Variants in PCDHGA5 observed in about 807,000 individuals in gnomAD.
PCDHGA5 encodes protocadherin gamma subfamily A, 5, also known as protocadherin gamma-A5.
A neutral mutation model predicts 56.7 loss-of-function variants in PCDHGA5; 36 were observed. The ratio of observed to expected loss-of-function variants is 0.64; its 90% confidence interval spans 0.49 to 0.84. The LOEUF is 0.84. Among genes scored for constraint, PCDHGA5 ranks in the 40% least tolerant of loss-of-function variants. The pLI is 0.00. For synonymous variants in PCDHGA5, 563 were observed against 520.2 expected, an observed-to-expected ratio of 1.08 and a Z score of -1.12; for missense variants, 1,305 against 1,201.5, an observed-to-expected ratio of 1.09 and a Z score of -1.27.
chr5:141,500,232 G>A (rs1024752888), intron 2 of PCDHGA5, among the ~76,000 whole-genome samples: 1 of 137,690 alleles, frequency 7.3e-6, no homozygotes, highest in South Asian at 2.3e-4. Flanking sequence ...TTATTGATAC[G>A]TAGCCTTGCT....
At chr5:141,413,588 A>C in intron 1 of PCDHGA5, 1 of 1,613,922 alleles carries the variant, frequency 6.2e-7, no homozygotes, top group South Asian at 1.1e-5. Flanking sequence ...CCAAAATTCC[A>C]AGCAGAAAAT....
chr5:141,477,884 G>A lies in PCDHGA5; in HGVS notation c.2422-16923G>A. On this transcript the variant is annotated intron_variant, in intron 1 of 3. Transcript: ENST00000518069. The surrounding 1 kb of genome is among the most constrained non-coding windows in gnomAD (Gnocchi z 4.9). ...TCGAGGTACCTCAGCTGGCCACCTA[G>A]TGTCACGGGTGGTAGGCTGGGACGC... 6.2e-7 allele frequency: 1 copy of A among 1,614,190 alleles called. No homozygotes were observed. The highest frequency in any genetic ancestry group is 8.5e-7 in the Non-Finnish European group (1 of 1,180,036).
chr5:141,443,650 CA>C (rs2098397782), intron 1 of PCDHGA5, among the ~76,000 whole-genome samples: 1 of 152,150 alleles, frequency 6.6e-6, no homozygotes. Flanking sequence ...ATAATGTTAG[CA>C]TAGCATTTTA....
intron 1 of PCDHGA5, chr5:141,398,796 C>G (rs765198482): frequency 8.1e-6 from 13 of 1,613,920 alleles, no homozygotes; most frequent in Middle Eastern, 1.6e-4. Context: ...CACCCCTAAG[C>G]GGCACCACTG....
chr5:141,366,863 C>T, intron 1 of PCDHGA5, 112 bp downstream of exon 1: 2 of 1,430,882 alleles, frequency 1.4e-6, no homozygotes, highest in African/African-American at 1.4e-5. Flanking sequence ...ACATTATTTG[C>T]TGTATTGGAG....
rs140779776 is a variant in PCDHGA5 at position 141,412,904 on chromosome 5, C to T, written c.2421+46153C>T. On this transcript the variant is annotated intron_variant, in intron 1 of 3. Transcript: ENST00000518069. ...CAACAGAATAGTTTACTTTCCATTG[C>T]ATGTATCACTTGGGTGCAGTAACTT... The T allele has an allele frequency of 4.0e-4, 150 of 378,712 alleles. 3 individuals carry two copies. In the East Asian group the frequency reaches 6.1e-3, roughly 15 times the overall value. 23.5% of individuals were successfully genotyped at this position (378,712 alleles called of 1,614,324 possible).
At chr5:141,419,620 G>A (rs776986192) in intron 1 of PCDHGA5, 9 of 1,612,304 alleles carry the variant, frequency 5.6e-6, no homozygotes, top group Non-Finnish European at 7.6e-6. Context: ...CAGGCTACCT[G>A]GTGACCAAGG....
At chr5:141,410,585 G>A in intron 1 of PCDHGA5, 1 of 1,610,012 alleles carries the variant, frequency 6.2e-7, no homozygotes, top group South Asian at 1.1e-5. Flanking sequence ...TCATGGTGGG[G>A]AGGATTTGAC....
At chr5:141,392,820 G>T in intron 1 of PCDHGA5, 1 of 1,592,868 alleles carries the variant, frequency 6.3e-7, no homozygotes. Flanking sequence ...AACAATGGCC[G>T]CTCCACAGAG....
chr5:141,423,234 C>T, intron 1 of PCDHGA5: 1 of 1,613,918 alleles, frequency 6.2e-7, no homozygotes, highest in South Asian at 1.1e-5. Context: ...CCGACAGCAT[C>T]CCCGAAGTCC....
At chr5:141,419,938 G>A in intron 1 of PCDHGA5, 1 of 1,614,102 alleles carries the variant, frequency 6.2e-7, no homozygotes, top group Non-Finnish European at 8.5e-7. Context: ...TTTACCTGGT[G>A]GTGGCCTTGG....
intron 1 of PCDHGA5, chr5:141,412,090 T>C (rs1008718786): frequency 3.3e-5 from 5 of 152,218 alleles, no homozygotes; most frequent in Admixed American, 2.0e-4. Flanking sequence ...ACTGGGTTGA[T>C]GGGCACACAC....
Position 141,491,478 on chromosome 5 carries a change from C to A in PCDHGA5, c.2422-3329C>A. ...CCCCGGACTTCTATAAGCAGTCCAG[C>A]CCCAACCTGCAGGTGAGCTCGGACG... On this transcript the variant is annotated intron_variant, in intron 1 of 3. Coordinates refer to ENST00000518069, the MANE Select transcript of PCDHGA5 (RefSeq NM_018918.3). The surrounding 1 kb of genome is among the most constrained non-coding windows in gnomAD (Gnocchi z 6.9). 6.2e-7 allele frequency: 1 copy of A among 1,614,068 alleles called. No individual in the cohort carries two copies. Among genetic ancestry groups the A allele is most frequent in the Non-Finnish European group, 8.5e-7 (1 of 1,180,004 alleles).
At chr5:141,478,496 C>G in intron 1 of PCDHGA5, 1 of 1,613,014 alleles carries the variant, frequency 6.2e-7, no homozygotes, top group Non-Finnish European at 8.5e-7. Flanking sequence ...GAGCTGTGAT[C>G]CGGTGTTCTA....
intron 1 of PCDHGA5, 34 bp downstream of exon 1, chr5:141,366,785 C>T: frequency 1.3e-6 from 2 of 1,576,144 alleles, no homozygotes; most frequent in Non-Finnish European, 8.6e-7. Flanking sequence ...ATGACCAGAA[C>T]ATTTTCATTT....
intron 1 of PCDHGA5, among the ~76,000 whole-genome samples, chr5:141,465,276 C>A (rs558169180): frequency 6.6e-6 from 1 of 152,254 alleles, no homozygotes; most frequent in South Asian, 2.1e-4. Context: ...CCATTTAGTT[C>A]ACCCCTAAAG....
intron 1 of PCDHGA5, chr5:141,385,673 C>T (rs1253807650): frequency 2.6e-6 from 1 of 384,964 alleles, no homozygotes; most frequent in Non-Finnish European, 3.8e-6. Context: ...TAAAACACAC[C>T]TCAGCTGTCT....
chr5:141,440,481 T>C (rs1451820594), intron 1 of PCDHGA5: 1 of 152,196 alleles, frequency 6.6e-6, no homozygotes, highest in African/African-American at 2.4e-5. Context: ...GAAAATTCTT[T>C]AAATGTTTTT....
chr5:141,476,264 G>T lies in PCDHGA5; in HGVS notation c.2422-18543G>T, dbSNP rs753184649. On this transcript the variant is annotated intron_variant, in intron 1 of 3. Coordinates refer to ENST00000518069, the MANE Select transcript of PCDHGA5 (RefSeq NM_018918.3). This position sits in a 1 kb window ranked among gnomAD's most constrained non-coding sequence, Gnocchi z 7.6. ...AGAGAAGGGTTTCGCTGTGGGCAAC[G>T]TGGTCGCGAACCTTGGTTTGGATCT... The T allele has an allele frequency of 5.0e-6, 8 of 1,613,964 alleles. No individual in the cohort carries two copies. In the African/African-American group the frequency reaches 8.0e-5, roughly 16 times the overall value.
Sources: gnomAD v4.1 joint callset for allele counts (sites outside exome capture counted in the v4.1 genomes callset) on GRCh38, gnomAD v4.1.1 for gene constraint, Gnocchi (gnomAD v3.1) non-coding constraint, MANE v1.5 for transcripts, NCBI Gene and HGNC (gene_info 2026-07-23, HGNC 2026-07-21) for gene names.